KLHL28: variants seen among roughly 807,000 people sequenced by gnomAD.
The protein encoded by KLHL28 is kelch like family member 28.
KLHL28 carries 22 observed loss-of-function variants against 48.3 expected under a neutral mutation model. The ratio of observed to expected loss-of-function variants is 0.46; its 90% CI spans 0.33 to 0.65. The LOEUF is 0.65. Ranked by LOEUF, KLHL28 falls within the 30% of genes least tolerant of loss-of-function variation. The pLI is 0.03. For synonymous variants in KLHL28, 243 were observed against 242.4 expected, an observed-to-expected ratio of 1.00 and a Z score of -0.02; for missense variants, 527 against 704.3, an observed-to-expected ratio of 0.75 and a Z score of 2.85.
At chr14:44,938,661 C>T (rs993410699) in intron 2 of KLHL28, among the ~76,000 whole-genome samples, 15 of 152,248 alleles carry the variant, frequency 9.9e-5, no homozygotes, top group African/African-American at 3.1e-4. Flanking sequence ...TGAGCCACCG[C>T]GCCCGGCCGA....
At chr14:44,937,395 C>T (rs2138601225) in intron 2 of KLHL28, among the ~76,000 whole-genome samples, 1 of 152,150 alleles carries the variant, frequency 6.6e-6, no homozygotes, top group East Asian at 1.9e-4. Flanking sequence ...GATCTGCCTG[C>T]CTAGGCCTCC....
chr14:44,948,753 T>C (rs920431019), intron 1 of KLHL28, among the ~76,000 whole-genome samples: 1 of 152,130 alleles, frequency 6.6e-6, no homozygotes, highest in African/African-American at 2.4e-5. Context: ...AATATTTTCT[T>C]ACCACACGTT....
chr14:44,932,126 G>C (rs776983352), intron 3 of KLHL28, among the ~76,000 whole-genome samples: 8 of 151,052 alleles, frequency 5.3e-5, no homozygotes, highest in Non-Finnish European at 8.8e-5. Flanking sequence ...GGGCTAAAGT[G>C]ATCTTTCTGC....
intron 2 of KLHL28, among the ~76,000 whole-genome samples, chr14:44,939,714 C>G (rs779769073): frequency 1.3e-5 from 2 of 152,104 alleles, no homozygotes; most frequent in Non-Finnish European, 2.9e-5. Flanking sequence ...TATCAACATT[C>G]TGATCATGCC....
In KLHL28 at chr14:44,935,569, T is replaced by C. The variant is rs1327642558; in HGVS notation, c.900-1011A>G. On this transcript the variant is annotated intron_variant, in intron 2 of 4. Transcript: ENST00000396128. ...GATGAATTTCACAAACATTGTTCAG[T>C]GAAAAAACATCTGAATAATATATAT... Among the ~76,000 whole-genome samples the C allele has an allele frequency of 2.6e-5, 4 of 152,012 alleles. No homozygotes were observed. In the East Asian group the frequency reaches 7.7e-4, roughly 29 times the overall value.
chr14:44,954,423 A>G (rs7158846), intron 1 of KLHL28, among the ~76,000 whole-genome samples: 23,420 of 152,204 alleles, frequency 0.15, 3,301 homozygotes, highest in African/African-American at 0.38. Flanking sequence ...GCAACTGACC[A>G]AGATTTTTAA....
At chr14:44,938,650 G>A (rs1261626060) in intron 2 of KLHL28, among the ~76,000 whole-genome samples, 1 of 152,186 alleles carries the variant, frequency 6.6e-6, no homozygotes, top group African/African-American at 2.4e-5. Context: ...GATTACAAGC[G>A]TGAGCCACCG....
At chr14:44,936,927 T>A (rs1398789172) in intron 2 of KLHL28, among the ~76,000 whole-genome samples, 2 of 152,076 alleles carry the variant, frequency 1.3e-5, no homozygotes, top group Non-Finnish European at 2.9e-5. Context: ...CAAAGACTCA[T>A]TGGAGGGTGT....
intron 2 of KLHL28, among the ~76,000 whole-genome samples, chr14:44,938,342 G>A (rs1287408856): frequency 6.6e-6 from 1 of 151,460 alleles, no homozygotes; most frequent in Non-Finnish European, 1.5e-5. Flanking sequence ...GAGGGCCCAG[G>A]TAAGTCCAAA....
chr14:44,954,384 C>G (rs1276527971), intron 1 of KLHL28, among the ~76,000 whole-genome samples: 1 of 152,212 alleles, frequency 6.6e-6, no homozygotes, highest in African/African-American at 2.4e-5. Flanking sequence ...ACTCATGTTT[C>G]TTATTCCTCA....
chr14:44,949,756 G>C (rs1353441803), intron 1 of KLHL28, among the ~76,000 whole-genome samples: 1 of 152,094 alleles, frequency 6.6e-6, no homozygotes, highest in East Asian at 1.9e-4. Context: ...CCCAAGTATA[G>C]AATAAGAGAG....
In KLHL28 at chr14:44,925,534, A is replaced by G. The variant is rs1241941774; in HGVS notation, c.*3494T>C. Reference sequence around the variant, plus strand: ...ACTTCTTACGATGTCAGAGATAAGGAATTAGATTCATCCTTCACCAAAATA... The same window carrying G: ...ACTTCTTACGATGTCAGAGATAAGGGATTAGATTCATCCTTCACCAAAATA... On this transcript the variant is annotated 3_prime_UTR_variant, in exon 5 of 5. Transcript: ENST00000396128. 6.6e-6 allele frequency: 1 copy of G among 152,108 alleles called. No individual in the cohort carries two copies. The highest frequency in any genetic ancestry group is 1.5e-5 in the Non-Finnish European group (1 of 67,946). The allele number at this position is 152,108 out of a possible 1,614,324, so 9.4% of individuals were successfully genotyped here. A position where few individuals can be genotyped will look rare whatever the true frequency, so the allele number is the denominator to read the frequency against.
intron 1 of KLHL28, among the ~76,000 whole-genome samples, chr14:44,946,551 CTT>C (rs397853423): frequency 0.01 from 1,231 of 122,484 alleles, 19 homozygotes; most frequent in African/African-American, 0.034. Context: ...CCACTCAACT[CTT>C]TTTTTTTTTT....
intron 1 of KLHL28, among the ~76,000 whole-genome samples, chr14:44,953,871 C>T (rs921551144): frequency 2.0e-5 from 3 of 151,876 alleles, no homozygotes; most frequent in Admixed American, 6.6e-5. Flanking sequence ...AAACTGATTA[C>T]ATTTTAAAAA....
intron 3 of KLHL28, 111 bp from the exon 4 acceptor site, chr14:44,931,652 T>G (rs1397522657): frequency 5.1e-5 from 37 of 729,990 alleles, no homozygotes; most frequent in Non-Finnish European, 7.5e-5. Context: ...AGAGAGATAT[T>G]AAACAAGAGT....
At chr14:44,946,626 G>C (rs1191220829) in intron 1 of KLHL28, among the ~76,000 whole-genome samples, 4 of 147,786 alleles carry the variant, frequency 2.7e-5, no homozygotes, top group African/African-American at 1.0e-4. Context: ...GCATGATCTT[G>C]GCTCACTGCA....
intron 2 of KLHL28, among the ~76,000 whole-genome samples, chr14:44,936,756 C>A (rs941392854): frequency 3.9e-5 from 6 of 152,086 alleles, no homozygotes; most frequent in African/African-American, 1.4e-4. Flanking sequence ...GACGGAGGAA[C>A]AGAAAGGCAA....
In KLHL28 at chr14:44,934,544, A is replaced by C; in HGVS notation, c.914T>G (p.Phe305Cys). The C allele has an allele frequency of 6.3e-7, 1 of 1,587,536 alleles. No homozygotes were observed. Residue 305 changes from phenylalanine (F) to cysteine (C), a missense_variant, in exon 3 of 5, where the codon TTT becomes TGT. Physicochemically the swap from Phe to Cys is radical, Grantham distance 205 (BLOSUM62 -2). Coordinates refer to ENST00000396128, the MANE Select transcript of KLHL28 (RefSeq NM_017658.5). ...FACLDSVEMYFPQNDSWIGLA... is the reference protein window; with the variant it reads ...FACLDSVEMYCPQNDSWIGLA... ...ACCAATCCAAGAGTCATTCTGAGGA[A>C]AGTACATCTCCACACTAAAGAATAA...
At chr14:44,957,945 G>A (rs1884860585) in intron 1 of KLHL28, among the ~76,000 whole-genome samples, 1 of 151,782 alleles carries the variant, frequency 6.6e-6, no homozygotes, top group Non-Finnish European at 1.5e-5. Flanking sequence ...ATACACATTA[G>A]ATACAAAAAT....
Sources: allele counts gnomAD v4.1 joint callset (sites outside exome capture counted in the v4.1 genomes callset), GRCh38; gene constraint gnomAD v4.1.1; transcripts MANE v1.5; gene names NCBI Gene and HGNC (gene_info 2026-07-23, HGNC 2026-07-21).